The following MKLN1 variants were observed in gnomAD, a reference collection of about 807,000 sequenced individuals.
MKLN1 encodes the protein muskelin 1, also known as muskelin.
A neutral mutation model predicts 99.0 loss-of-function variants in MKLN1; 18 were observed. The ratio of observed to expected loss-of-function variants is 0.18; its 90% CI spans 0.13 to 0.27. MKLN1 has a LOEUF of 0.27. Among genes scored for constraint, MKLN1 ranks in the 10% least tolerant of loss-of-function variants. MKLN1 has a pLI of 1.00. For synonymous variants in MKLN1, 288 were observed against 293.2 expected (o/e 0.98, Z 0.18); for missense variants, 621 against 875.9 (o/e 0.71, Z 3.67).
chr7:131,479,227 T>A (rs1797052473), intron 17 of MKLN1, among the ~76,000 whole-genome samples: 1 of 152,196 alleles, frequency 6.6e-6, no homozygotes, highest in Non-Finnish European at 1.5e-5. Context: ...TCTCTTTTAG[T>A]ATTAATGAAT....
At chr7:131,422,666 C>T (rs1446466226) in intron 8 of MKLN1, among the ~76,000 whole-genome samples, 1 of 152,056 alleles carries the variant, frequency 6.6e-6, no homozygotes, top group Non-Finnish European at 1.5e-5. Context: ...CCCGGTGTCT[C>T]ATATACCTTG....
At chr7:131,139,288 C>A (rs1026692317) in intron 1 of MKLN1, among the ~76,000 whole-genome samples, 5 of 152,134 alleles carry the variant, frequency 3.3e-5, no homozygotes, top group African/African-American at 1.2e-4. Flanking sequence ...ATTGTGGCCT[C>A]TGTGTGGTCT....
intron 3 of MKLN1, among the ~76,000 whole-genome samples, chr7:131,282,855 A>C (rs953415899): frequency 3.9e-5 from 6 of 152,206 alleles, no homozygotes; most frequent in African/African-American, 1.4e-4. Context: ...GGACAACTGC[A>C]TTAAAAGTTT....
At chr7:131,334,222 A>G (rs1181427414) in intron 1 of MKLN1, among the ~76,000 whole-genome samples, 1 of 152,230 alleles carries the variant, frequency 6.6e-6, no homozygotes, top group Non-Finnish European at 1.5e-5. Context: ...AGGCTCCTGC[A>G]ACCCAGAATT....
chr7:131,139,619 G>A (rs1489818777), intron 1 of MKLN1, among the ~76,000 whole-genome samples: 4 of 152,182 alleles, frequency 2.6e-5, no homozygotes, highest in Admixed American at 6.5e-5. Flanking sequence ...GCTGTGACAA[G>A]AAGTGAGAGA....
chr7:131,426,711 A>G (rs982014747), intron 8 of MKLN1, among the ~76,000 whole-genome samples: 4 of 152,056 alleles, frequency 2.6e-5, no homozygotes, highest in African/African-American at 9.7e-5. Flanking sequence ...TATATTTTAA[A>G]GGTGGAAATG....
intron 3 of MKLN1, among the ~76,000 whole-genome samples, chr7:131,217,766 T>G (rs1211072188): frequency 2.0e-5 from 3 of 152,170 alleles, no homozygotes; most frequent in African/African-American, 7.2e-5. Flanking sequence ...AAGAAATACT[T>G]GTACCCCTGT....
At chr7:131,176,737 A>G (rs1796304795) in intron 2 of MKLN1, among the ~76,000 whole-genome samples, 1 of 152,252 alleles carries the variant, frequency 6.6e-6, no homozygotes, top group Non-Finnish European at 1.5e-5. Context: ...GCAAATAACA[A>G]TTCATCCATT....
chr7:131,182,679 T>A (rs1048122077), intron 2 of MKLN1, among the ~76,000 whole-genome samples: 1 of 151,578 alleles, frequency 6.6e-6, no homozygotes. Flanking sequence ...GTTTTAAGAG[T>A]CTGTTTTATA....
intron 3 of MKLN1, among the ~76,000 whole-genome samples, chr7:131,283,205 A>G (rs1342991558): frequency 1.3e-5 from 2 of 152,116 alleles, no homozygotes; most frequent in Non-Finnish European, 2.9e-5. Flanking sequence ...GATGGCCATG[A>G]CCCTCAGAGT....
intron 1 of MKLN1, among the ~76,000 whole-genome samples, chr7:131,118,706 G>T (rs1336158011): frequency 6.6e-6 from 1 of 152,200 alleles, no homozygotes; most frequent in African/African-American, 2.4e-5. Flanking sequence ...GAAAGGTGAA[G>T]AGGAAGCAAA....
chr7:131,153,765 T>A (rs1272102818), intron 2 of MKLN1, among the ~76,000 whole-genome samples: 2 of 148,214 alleles, frequency 1.3e-5, no homozygotes, highest in Non-Finnish European at 3.0e-5. Context: ...TGGGTTCAAG[T>A]GATTCTCCTG....
chr7:131,313,347 C>T (rs10268409), intron 3 of MKLN1, among the ~76,000 whole-genome samples: 123,087 of 152,096 alleles, frequency 0.81, 49,951 homozygotes, highest in African/African-American at 0.87. Flanking sequence ...ATAATGACTT[C>T]ATAGCTTTAA....
At chr7:131,202,061 A>G (rs1796735216) in intron 2 of MKLN1, among the ~76,000 whole-genome samples, 1 of 151,514 alleles carries the variant, frequency 6.6e-6, no homozygotes, top group Non-Finnish European at 1.5e-5. Flanking sequence ...GTGGAACAAC[A>G]CTAGTCAAGA....
At chr7:131,278,738 A>G (rs945087470) in intron 3 of MKLN1, among the ~76,000 whole-genome samples, 1 of 151,642 alleles carries the variant, frequency 6.6e-6, no homozygotes, top group East Asian at 1.9e-4. Context: ...GACTACAGGC[A>G]TGCACCAACC....
At chr7:131,418,756 T>C (rs921126712) in intron 8 of MKLN1, among the ~76,000 whole-genome samples, 1 of 152,220 alleles carries the variant, frequency 6.6e-6, no homozygotes, top group African/African-American at 2.4e-5. Context: ...ACTTATTTTT[T>C]GGTAGATACT....
rs1278242270 is a variant in MKLN1, at chr7:131,192,209, A to ACG, written c.-296-10648_-296-10647insCG. 6.2e-4 allele frequency among the ~76,000 whole-genome samples: 43 copies of ACG among 69,454 alleles called. 6 individuals carry two copies. The highest frequency in any genetic ancestry group is 2.8e-3 in the African/African-American group (41 of 14,810). 45.6% of individuals were successfully genotyped at this position (69,454 alleles called of 152,430 possible). A position where few individuals can be genotyped will look rare whatever the true frequency, so the allele number is the denominator to read the frequency against. On this transcript the variant is annotated intron_variant, in intron 2 of 7. Transcript: ENST00000416992. ...ATATAAAATATAATATATACAATAT[A>ACG]TAAATATATAAAATATATACAATAT... is the stretch of plus-strand genomic sequence containing the variant.
At chr7:131,373,744 A>G (rs1793541789) in intron 1 of MKLN1, among the ~76,000 whole-genome samples, 1 of 152,182 alleles carries the variant, frequency 6.6e-6, no homozygotes, top group Non-Finnish European at 1.5e-5. Flanking sequence ...CATTATTACC[A>G]TGGTACGTTT....
intron 7 of MKLN1, among the ~76,000 whole-genome samples, chr7:131,412,430 G>T (rs1794907987): frequency 6.6e-6 from 1 of 152,144 alleles, no homozygotes; most frequent in African/African-American, 2.4e-5. Context: ...TTTATAACCA[G>T]CTACTAATAA....
Sources: gnomAD v4.1 joint callset for allele counts (sites outside exome capture counted in the v4.1 genomes callset) on GRCh38, gnomAD v4.1.1 for gene constraint, MANE v1.5 for transcripts, NCBI Gene and HGNC (gene_info 2026-07-23, HGNC 2026-07-21) for gene names.